Variants in TSHZ3 observed in about 807,000 individuals in gnomAD.
TSHZ3 encodes teashirt homolog 3.
Under a neutral mutation model 64.5 loss-of-function variants are expected in TSHZ3, and 10 were observed. That is an observed-to-expected ratio of 0.16 (90% CI 0.10 to 0.26). The LOEUF (loss-of-function observed/expected upper bound fraction) is 0.26. TSHZ3 is among the 10% of genes least tolerant of loss of function. TSHZ3 has a pLI of 1.00. For missense variants in TSHZ3, 1,242 were observed against 1,421.7 expected (o/e 0.87, Z 2.03); for synonymous variants, 608 against 593.1 (o/e 1.03, Z -0.36).
chr19:31,339,367 G>T (rs1294998306), intron 1 of TSHZ3, among the ~76,000 whole-genome samples: 1 of 151,874 alleles, frequency 6.6e-6, no homozygotes, highest in Non-Finnish European at 1.5e-5. Context: ...TCTCCCACCC[G>T]CCACGCCACG....
At chr19:31,187,524 A>C (rs1340493533) in intron 5 of TSHZ3, among the ~76,000 whole-genome samples, 1 of 152,110 alleles carries the variant, frequency 6.6e-6, no homozygotes, top group African/African-American at 2.4e-5. Flanking sequence ...GTAGTCAAAT[A>C]ATATATTCTC....
chr19:31,248,058 T>C (rs545377662), intron 1 of TSHZ3, among the ~76,000 whole-genome samples: 1 of 152,060 alleles, frequency 6.6e-6, no homozygotes, highest in Non-Finnish European at 1.5e-5. Context: ...GAGAGCCAAG[T>C]GCAAGCAGAA....
chr19:31,232,385 G>C (rs1363410529), intron 3 of TSHZ3, among the ~76,000 whole-genome samples: 1 of 152,200 alleles, frequency 6.6e-6, no homozygotes, highest in Non-Finnish European at 1.5e-5. Context: ...GGGTGTGTGA[G>C]AGCCTTGTGA....
chr19:31,348,353 AAAT>A (rs2021576209), intron 1 of TSHZ3, among the ~76,000 whole-genome samples: 1 of 152,176 alleles, frequency 6.6e-6, no homozygotes, highest in Non-Finnish European at 1.5e-5. Flanking sequence ...CATTATTGCA[AAAT>A]AATGTTATGT....
intron 5 of TSHZ3, among the ~76,000 whole-genome samples, chr19:31,199,702 A>G (rs1317848146): frequency 6.9e-6 from 1 of 145,892 alleles, no homozygotes; most frequent in Non-Finnish European, 1.5e-5. Context: ...TCCATGAAAG[A>G]ACTAATTGAT....
rs189097398 is a variant in TSHZ3 at position 31,334,402 on chromosome 19, C to T, written c.40+14778G>A. Among the ~76,000 whole-genome samples the T allele has an allele frequency of 1.1e-3, 165 of 152,280 alleles. 1 individual carries two copies. Among genetic ancestry groups the T allele is most frequent in the African/African-American group, 3.9e-3 (160 of 41,540 alleles). On this transcript the variant is annotated intron_variant, in intron 1 of 1. Transcript: ENST00000240587. ...CCTCTGGCAAATATGAATCTCTGCC[C>T]CCTTTCAAAAGCTTTTTGTTAGGCA...
intron 5 of TSHZ3, among the ~76,000 whole-genome samples, chr19:31,160,490 C>G (rs1974361891): frequency 6.6e-6 from 1 of 152,192 alleles, no homozygotes; most frequent in African/African-American, 2.4e-5. Context: ...AGGCAGCCCT[C>G]CAAATGGGTA....
chr19:31,169,651 A>G (rs1171164558), intron 5 of TSHZ3, among the ~76,000 whole-genome samples: 1 of 152,116 alleles, frequency 6.6e-6, no homozygotes, highest in Non-Finnish European at 1.5e-5. Flanking sequence ...ACAATGAAAA[A>G]AAAGGAGGTT....
intron 1 of TSHZ3, among the ~76,000 whole-genome samples, chr19:31,296,846 G>A (rs190119435): frequency 2.6e-5 from 4 of 152,284 alleles, no homozygotes; most frequent in Admixed American, 1.3e-4. Flanking sequence ...TCAGGTGCCA[G>A]CTCCACAGAA....
chr19:31,256,555 C>T (rs940064455), intron 1 of TSHZ3, among the ~76,000 whole-genome samples: 3 of 152,234 alleles, frequency 2.0e-5, no homozygotes, highest in Non-Finnish European at 4.4e-5. Context: ...TGCTGTAACA[C>T]ACACAGCAAA....
intron 1 of TSHZ3, among the ~76,000 whole-genome samples, chr19:31,266,191 C>T (rs1976051853): frequency 2.0e-5 from 3 of 152,134 alleles, no homozygotes; most frequent in Admixed American, 2.0e-4. Context: ...TGCTTGCATC[C>T]ACTTTCTCCT....
chr19:31,155,637 A>T (rs1974297439), intron 6 of TSHZ3, among the ~76,000 whole-genome samples: 1 of 152,196 alleles, frequency 6.6e-6, no homozygotes, highest in African/African-American at 2.4e-5. Flanking sequence ...AGCATTTTAG[A>T]TTAGACGTCC....
Position 31,321,563 on chromosome 19 carries a change from G to C in TSHZ3, c.40+27617C>G, listed in dbSNP as rs111744468. On this transcript the variant is annotated intron_variant, in intron 1 of 1. Coordinates refer to ENST00000240587, the MANE Select transcript of TSHZ3 (RefSeq NM_020856.4). ...TCTGCATACGGCAGACTCACGCCAG[G>C]TTAACGCAAGGGGCCTGGCCACAAT... Among the ~76,000 whole-genome samples, 553 of 152,228 alleles carry C rather than the reference G, an allele frequency of 3.6e-3. 2 individuals are homozygous for C. The highest frequency in any genetic ancestry group is 0.013 in the African/African-American group (531 of 41,534).
chr19:31,228,713 G>T (rs1312349035), intron 3 of TSHZ3, among the ~76,000 whole-genome samples: 1 of 152,110 alleles, frequency 6.6e-6, no homozygotes, highest in Admixed American at 6.5e-5. Flanking sequence ...ATTGCAGAGA[G>T]TGGTGTTCAG....
intron 1 of TSHZ3, among the ~76,000 whole-genome samples, chr19:31,319,733 T>C (rs979995803): frequency 6.6e-6 from 1 of 152,026 alleles, no homozygotes; most frequent in African/African-American, 2.4e-5. Context: ...AACAACAGTG[T>C]AACACCTTTT....
In TSHZ3 at chr19:31,244,118, T is replaced by C. The variant is rs567870166; in HGVS notation, n.64-1243A>G. Among the ~76,000 whole-genome samples, 5 of 152,322 alleles carry C rather than the reference T, an allele frequency of 3.3e-5. No homozygotes were observed. The East Asian group carries it at 7.7e-4, about 24-fold the overall frequency. ...TATATATAACAATGACAGTGTATGA[T>C]ATAATTTGCATCTGTGTCTGCACCC... On this transcript the variant is annotated intron_variant and non_coding_transcript_variant, in intron 1 of 6. Coordinates refer to the TSHZ3 transcript ENST00000651361.
In TSHZ3 at chr19:31,240,557, T is replaced by A. The variant is rs146970075; in HGVS notation, n.550+1712A>T. ...CTTTACACCTATGAAAAGATGGACG[T>A]GAGAAAGGCAAATAATATCTTAGTT... is the stretch of plus-strand genomic sequence containing the variant. On this transcript the variant is annotated intron_variant and non_coding_transcript_variant, in intron 3 of 6. Coordinates refer to the TSHZ3 transcript ENST00000651361. 6.0e-3 allele frequency among the ~76,000 whole-genome samples: 918 copies of A among 152,300 alleles called. 12 individuals carry two copies. Among genetic ancestry groups the A allele is most frequent in the African/African-American group, 0.021 (877 of 41,576 alleles).
chr19:31,178,993 AG>A (rs753376582), intron 5 of TSHZ3, among the ~76,000 whole-genome samples: 3 of 150,544 alleles, frequency 2.0e-5, no homozygotes, highest in Admixed American at 6.6e-5. Context: ...ACAGAGCAGG[AG>A]ACCTGGACTG....
Position 31,316,777 on chromosome 19 carries a change from G to T in TSHZ3, c.40+32403C>A, listed in dbSNP as rs541011029. The stretch of plus-strand genomic sequence containing the variant: ...GAGAGGGAAAGAATGGGGAGAGAGA[G>T]AGAGAAGGAGAAACAGGCAGAGAGA... On this transcript the variant is annotated intron_variant, in intron 1 of 1. Transcript: ENST00000240587. Among the ~76,000 whole-genome samples the T allele has an allele frequency of 2.6e-5, 4 of 152,178 alleles. No homozygotes were observed. In the East Asian group the frequency reaches 7.7e-4, roughly 29 times the overall value.
Sources: allele counts gnomAD v4.1 joint callset (sites outside exome capture counted in the v4.1 genomes callset), GRCh38; gene constraint gnomAD v4.1.1; transcripts MANE v1.5; gene names NCBI Gene and HGNC (gene_info 2026-07-23, HGNC 2026-07-21).